The following CELF4 variants were observed in gnomAD, a reference collection of about 807,000 sequenced individuals.
CELF4 encodes the protein CUGBP Elav-like family member 4.
A neutral mutation model predicts 59.9 loss-of-function variants in CELF4; 18 were observed. The ratio of observed to expected loss-of-function variants is 0.30; its 90% CI spans 0.21 to 0.45. CELF4 has a LOEUF of 0.45. Among genes scored for constraint, CELF4 ranks in the 20% least tolerant of loss-of-function variants. The probability of loss-of-function intolerance (pLI) is 1.00; values close to 1 mark genes in which losing one functional copy is unlikely to be tolerated. For missense variants in CELF4, 456 were observed against 689.0 expected (o/e 0.66, Z 3.79); for synonymous variants, 261 against 267.1 (o/e 0.98, Z 0.22).
intron 2 of CELF4, among the ~76,000 whole-genome samples, chr18:37,350,069 G>A (rs927993155): frequency 6.6e-6 from 1 of 152,158 alleles, no homozygotes; most frequent in Non-Finnish European, 1.5e-5. Flanking sequence ...GTGCAATTTG[G>A]GAGAGGGACA....
intron 2 of CELF4, among the ~76,000 whole-genome samples, chr18:37,460,099 G>T (rs568408206): frequency 5.9e-5 from 9 of 152,316 alleles, no homozygotes; most frequent in African/African-American, 1.9e-4. Flanking sequence ...TATCACTGGT[G>T]CTTCTTTGGG....
intron 2 of CELF4, among the ~76,000 whole-genome samples, chr18:37,372,642 CAAG>C (rs903004657): frequency 6.6e-6 from 1 of 151,780 alleles, no homozygotes; most frequent in Non-Finnish European, 1.5e-5. Flanking sequence ...AATAAAAAAA[CAAG>C]AAATCACAAT....
chr18:37,565,157 C>G (rs2154606450), intron 1 of CELF4, among the ~76,000 whole-genome samples, 199 bp downstream of exon 1: 1 of 152,224 alleles, frequency 6.6e-6, no homozygotes, highest in South Asian at 2.1e-4. Context: ...CAGCACCTCG[C>G]CCAAAACCCA....
chr18:37,251,531 CTGATTCATAT>C (rs1556969416), intron 12 of CELF4, among the ~76,000 whole-genome samples: 2 of 152,164 alleles, frequency 1.3e-5, no homozygotes, highest in Non-Finnish European at 2.9e-5. Flanking sequence ...ATGACCCTGC[CTGATTCATAT>C]CCCCCTAACC....
intron 2 of CELF4, among the ~76,000 whole-genome samples, chr18:37,330,665 G>C (rs2097507848): frequency 6.6e-6 from 1 of 152,168 alleles, no homozygotes; most frequent in Non-Finnish European, 1.5e-5. Flanking sequence ...ATGCACAGTA[G>C]GTGGTCAGGA....
Position 37,442,414 on chromosome 18 carries a change from T to C in CELF4, c.369+43111A>G, listed in dbSNP as rs1428331200. On this transcript the variant is annotated intron_variant, in intron 2 of 12. Transcript: ENST00000420428. ...AAAAACTAGATCTCAGAAAAAAAAT[T>C]TTTTTCCCTTTGAAGCAGAAATGGC... Among the ~76,000 whole-genome samples the C allele has an allele frequency of 2.6e-5, 4 of 152,242 alleles. No individual in the cohort carries two copies. The East Asian group carries it at 7.7e-4, about 29-fold the overall frequency.
intron 1 of CELF4, among the ~76,000 whole-genome samples, chr18:37,497,214 C>T (rs1006928857): frequency 6.6e-6 from 1 of 152,172 alleles, no homozygotes; most frequent in African/African-American, 2.4e-5. Flanking sequence ...CTGACTGGTA[C>T]ACAAGACCCA....
At chr18:37,383,214 C>T (rs1390494538) in intron 2 of CELF4, among the ~76,000 whole-genome samples, 5 of 152,114 alleles carry the variant, frequency 3.3e-5, no homozygotes, top group South Asian at 2.1e-4. Context: ...GGCCAGGAGG[C>T]GCTGAGAAAG....
chr18:37,505,191 C>T (rs750103444), intron 1 of CELF4, among the ~76,000 whole-genome samples: 4 of 152,064 alleles, frequency 2.6e-5, no homozygotes, highest in Non-Finnish European at 4.4e-5. Flanking sequence ...TCTCGCATGG[C>T]TGAGGCCAGA....
At chr18:37,338,932 A>G (rs1391926964) in intron 2 of CELF4, among the ~76,000 whole-genome samples, 1 of 151,820 alleles carries the variant, frequency 6.6e-6, no homozygotes, top group Admixed American at 6.6e-5. Context: ...AATGCCCTGA[A>G]CCCCCACTGC....
intron 1 of CELF4, among the ~76,000 whole-genome samples, chr18:37,508,489 G>T (rs146856318): frequency 0.013 from 2,026 of 152,334 alleles, 14 homozygotes; most frequent in Non-Finnish European, 0.021. Context: ...CGGAGTGGGG[G>T]TTAGGTGGAG....
chr18:37,402,927 C>T (rs1246250184), intron 2 of CELF4, among the ~76,000 whole-genome samples: 1 of 152,210 alleles, frequency 6.6e-6, no homozygotes, highest in East Asian at 1.9e-4. Flanking sequence ...CCTCCCCACC[C>T]TCCATGCATG....
intron 2 of CELF4, among the ~76,000 whole-genome samples, chr18:37,358,271 C>A (rs1431374249): frequency 6.6e-6 from 1 of 152,122 alleles, no homozygotes. Flanking sequence ...GTGAGTAAGT[C>A]TCACAAGATC....
chr18:37,334,710 C>A (rs930226459), intron 2 of CELF4, among the ~76,000 whole-genome samples: 1 of 152,042 alleles, frequency 6.6e-6, no homozygotes, highest in Non-Finnish European at 1.5e-5. Context: ...GTTCCACCCT[C>A]ACCCTGCCCT....
At chr18:37,545,955 C>T (rs2099981287) in intron 1 of CELF4, among the ~76,000 whole-genome samples, 1 of 152,172 alleles carries the variant, frequency 6.6e-6, no homozygotes, top group Admixed American at 6.5e-5. Context: ...TCTGACTTAG[C>T]GTCCCACCCA....
intron 2 of CELF4, among the ~76,000 whole-genome samples, chr18:37,400,910 C>T (rs1175566858): frequency 1.3e-5 from 2 of 152,258 alleles, no homozygotes; most frequent in African/African-American, 4.8e-5. Context: ...TGGCAAATGA[C>T]AGGGCTGAGG....
At chr18:37,401,163 C>A (rs2099321687) in intron 2 of CELF4, among the ~76,000 whole-genome samples, 1 of 152,238 alleles carries the variant, frequency 6.6e-6, no homozygotes, top group Non-Finnish European at 1.5e-5. Flanking sequence ...GACTCCTCTG[C>A]TGGACCCCCA....
At chr18:37,331,405 C>T (rs959656134) in intron 2 of CELF4, among the ~76,000 whole-genome samples, 7 of 152,288 alleles carry the variant, frequency 4.6e-5, no homozygotes, top group Admixed American at 2.6e-4. Context: ...CCTCTGGACT[C>T]ACTTTCTGTC....
At chr18:37,271,029 A>C in intron 7 of CELF4, 112 bp from the exon 8 acceptor site, 1 of 900,568 alleles carries the variant, frequency 1.1e-6, no homozygotes, top group Non-Finnish European at 1.6e-6. Flanking sequence ...CTGCGGATAG[A>C]CTTGGACCTC....
Sources: allele counts gnomAD v4.1 joint callset (sites outside exome capture counted in the v4.1 genomes callset), GRCh38; gene constraint gnomAD v4.1.1; transcripts MANE v1.5; gene names NCBI Gene and HGNC (gene_info 2026-07-23, HGNC 2026-07-21).